Variants in ADRA1B observed in about 807,000 individuals in gnomAD.
The protein encoded by ADRA1B is adrenoceptor alpha 1B.
ADRA1B carries 17 observed loss-of-function variants against 17.9 expected under a neutral mutation model. The ratio of observed to expected loss-of-function variants is 0.95; its 90% CI spans 0.65 to 1.42. ADRA1B has a LOEUF of 1.42. ADRA1B is among the 40% of genes most tolerant of loss of function. ADRA1B has a pLI of 0.00. For missense variants in ADRA1B, 681 were observed against 722.1 expected (o/e 0.94, Z 0.65); for synonymous variants, 366 against 327.6 (o/e 1.12, Z -1.27).
chr5:159,950,993 A>G, intron 1 of ADRA1B: 1 of 641,238 alleles, frequency 1.6e-6, no homozygotes, highest in South Asian at 1.5e-5. Context: ...TCTTTCCACA[A>G]TACCAAAGTT....
chr5:159,977,992 G>C (rs115305864), downstream of ADRA1B, among the ~76,000 whole-genome samples: 1,360 of 152,056 alleles, frequency 8.9e-3, 23 homozygotes, highest in South Asian at 0.03. Flanking sequence ...TGACTGTCCA[G>C]GTTAAAAGTG....
chr5:159,985,511 C>A, the ADRA1B span, among the ~76,000 whole-genome samples: 5 of 152,208 alleles, frequency 3.3e-5, no homozygotes, highest in African/African-American at 9.6e-5. Flanking sequence ...CATGCTAAAG[C>A]TGACTTGTAC....
At chr5:159,919,757 G>A (rs1754427200) in intron 1 of ADRA1B, among the ~76,000 whole-genome samples, 3 of 152,362 alleles carry the variant, frequency 2.0e-5, no homozygotes, top group African/African-American at 7.2e-5. Context: ...GCTCAGGAAG[G>A]AGAAGGCCTC....
downstream of ADRA1B, among the ~76,000 whole-genome samples, chr5:159,974,400 C>A (rs919600324): frequency 5.3e-5 from 8 of 152,064 alleles, no homozygotes; most frequent in Non-Finnish European, 1.0e-4. Flanking sequence ...TTTGGGAGGC[C>A]GAGACGGGTG....
chr5:159,970,032 C>G (rs1755841666), intron 1 of ADRA1B, among the ~76,000 whole-genome samples: 1 of 152,032 alleles, frequency 6.6e-6, no homozygotes. Flanking sequence ...TTTAACCTCT[C>G]CAAGTTTCAG....
chr5:159,982,759 G>A, the ADRA1B span, among the ~76,000 whole-genome samples: 5 of 152,112 alleles, frequency 3.3e-5, no homozygotes, highest in African/African-American at 1.2e-4. Flanking sequence ...CAGGAAAATT[G>A]CAAGTTTCTC....
intron 1 of ADRA1B, among the ~76,000 whole-genome samples, chr5:159,900,716 G>A (rs1754091871): frequency 6.6e-6 from 1 of 152,220 alleles, no homozygotes; most frequent in African/African-American, 2.4e-5. Flanking sequence ...ACCCCCCACT[G>A]AGCAAGCCCA....
intron 1 of ADRA1B, among the ~76,000 whole-genome samples, chr5:159,939,316 TGTGTGTGCGC>T (rs1246876419): frequency 8.4e-6 from 1 of 119,536 alleles, no homozygotes; most frequent in African/African-American, 3.4e-5. Flanking sequence ...TGTGTGTGTG[TGTGTGTGCGC>T]GCGCGCGCGC....
intron 1 of ADRA1B, among the ~76,000 whole-genome samples, chr5:159,894,769 T>G (rs2113109429): frequency 6.6e-6 from 1 of 152,314 alleles, no homozygotes; most frequent in African/African-American, 2.4e-5. Context: ...CTCACACGCA[T>G]TCTCTCGTGT....
At chr5:159,904,894 C>T (rs1255845556) in intron 1 of ADRA1B, among the ~76,000 whole-genome samples, 3 of 152,240 alleles carry the variant, frequency 2.0e-5, no homozygotes, top group African/African-American at 4.8e-5. Flanking sequence ...AATCTTCCTC[C>T]TATCATCAGT....
chr5:159,871,841 G>C (rs552509209), intron 1 of ADRA1B, among the ~76,000 whole-genome samples: 10 of 152,180 alleles, frequency 6.6e-5, no homozygotes, highest in African/African-American at 2.2e-4. Context: ...TGACTTTGAG[G>C]TTATAGTTCT....
At chr5:159,983,419 C>A in the ADRA1B span, among the ~76,000 whole-genome samples, 2 of 152,216 alleles carry the variant, frequency 1.3e-5, no homozygotes, top group Non-Finnish European at 2.9e-5. Flanking sequence ...AAGCCTTAAA[C>A]CCCATGTGTT....
At chr5:159,902,441 C>T (rs1167429763) in intron 1 of ADRA1B, among the ~76,000 whole-genome samples, 1 of 151,386 alleles carries the variant, frequency 6.6e-6, no homozygotes, top group African/African-American at 2.4e-5. Flanking sequence ...GTAATGTGTA[C>T]TTAAAAACTG....
At chr5:159,869,855 C>G (rs1481279358) in intron 1 of ADRA1B, 2 of 152,154 alleles carry the variant, frequency 1.3e-5, no homozygotes, top group African/African-American at 2.4e-5. Flanking sequence ...CAGTTTTGAA[C>G]AGTGTCTGGC....
At chr5:159,873,845 T>G (rs1217340055) in intron 1 of ADRA1B, among the ~76,000 whole-genome samples, 1 of 152,138 alleles carries the variant, frequency 6.6e-6, no homozygotes, top group Non-Finnish European at 1.5e-5. Flanking sequence ...GATGAGGCAC[T>G]CCATCATTTT....
At chr5:159,871,844 A>G (rs1250419015) in intron 1 of ADRA1B, among the ~76,000 whole-genome samples, 1 of 152,186 alleles carries the variant, frequency 6.6e-6, no homozygotes, top group Non-Finnish European at 1.5e-5. Context: ...CTTTGAGGTT[A>G]TAGTTCTCTT....
At chr5:159,933,919 ACCCCTAC>A (rs1754879640) in intron 1 of ADRA1B, among the ~76,000 whole-genome samples, 1 of 152,218 alleles carries the variant, frequency 6.6e-6, no homozygotes, top group Non-Finnish European at 1.5e-5. Context: ...ATCCAAGCTC[ACCCCTAC>A]CCCACCGTGG....
intron 1 of ADRA1B, chr5:159,950,611 G>A: frequency 2.2e-6 from 2 of 929,338 alleles, no homozygotes; most frequent in Non-Finnish European, 3.6e-6. Context: ...GCCGGCCCCA[G>A]CATCAAAGGT....
downstream of ADRA1B, among the ~76,000 whole-genome samples, chr5:159,974,291 C>G (rs1278309202): frequency 3.3e-5 from 5 of 151,984 alleles, no homozygotes; most frequent in African/African-American, 4.8e-5. Flanking sequence ...ACTTGATATC[C>G]CCAAAAGGAG....
Sources: gnomAD v4.1 joint callset for allele counts (sites outside exome capture counted in the v4.1 genomes callset) on GRCh38, gnomAD v4.1.1 for gene constraint, MANE v1.5 for transcripts, NCBI Gene and HGNC (gene_info 2026-07-23, HGNC 2026-07-21) for gene names.